KIRREL3: variants seen among roughly 807,000 people sequenced by gnomAD.
The protein encoded by KIRREL3 is kirre like nephrin family adhesion molecule 3, also known as kin of IRRE-like protein 3.
In KIRREL3, 36 loss-of-function variants were observed where a neutral mutation model predicts 89.7. The observed-to-expected ratio is 0.40, with a 90% CI of 0.31 to 0.53. The LOEUF is 0.53. Among genes scored for constraint, KIRREL3 ranks in the 20% least tolerant of loss-of-function variants. The pLI, the probability that KIRREL3 is intolerant of heterozygous loss-of-function variation, is 0.49. For synonymous variants in KIRREL3, 445 were observed against 441.4 expected (o/e 1.01, Z -0.10); for missense variants, 864 against 1,056.6 (o/e 0.82, Z 2.53).
In KIRREL3 at chr11:126,636,857, A is replaced by T. The variant is rs1392910891; in HGVS notation, c.56-73945T>A. ...CTCTATAGCCTTAGGCAAGGCACTT[A>T]ATGCCATTGCATGCCATTGTCACAT... is the stretch of plus-strand genomic sequence containing the variant. On this transcript the variant is annotated intron_variant, in intron 1 of 16. Coordinates refer to ENST00000525144, the MANE Select transcript of KIRREL3 (RefSeq NM_032531.4). The surrounding 1 kb of genome is among the most constrained non-coding windows in gnomAD (Gnocchi z 4.4). Among the ~76,000 whole-genome samples the T allele has an allele frequency of 6.6e-6, 1 of 152,204 alleles. No homozygotes were observed. The highest frequency in any genetic ancestry group is 1.5e-5 in the Non-Finnish European group (1 of 68,044).
rs1419041582 is a variant in KIRREL3 at position 126,487,890 on chromosome 11, G to T, written c.434-14424C>A. ...CCCGCACTCCAGCATGAGTCCTTCT[G>T]TCCTGTCCTGAAAGGGGTAAAGAGA... On this transcript the variant is annotated intron_variant, in intron 4 of 16. Coordinates refer to ENST00000525144, the MANE Select transcript of KIRREL3 (RefSeq NM_032531.4). 9.2e-5 allele frequency among the ~76,000 whole-genome samples: 14 copies of T among 152,322 alleles called. No homozygotes were observed. In the East Asian group the frequency reaches 2.5e-3, roughly 27 times the overall value.
rs1183281824 is a variant in KIRREL3, at chr11:126,978,306, T to C, written c.55+22149A>G. Among the ~76,000 whole-genome samples the C allele has an allele frequency of 6.6e-6, 1 of 152,180 alleles. No homozygotes were observed. Among genetic ancestry groups the C allele is most frequent in the Non-Finnish European group, 1.5e-5 (1 of 68,034 alleles). The stretch of plus-strand genomic sequence containing the variant: ...GTGTCAGATCTGTCCTCCCCTGTGG[T>C]GGGCGTGTTCTTCACCTTCCCTTCA... On this transcript the variant is annotated intron_variant, in intron 1 of 16. Coordinates refer to ENST00000525144, the MANE Select transcript of KIRREL3 (RefSeq NM_032531.4). This position sits in a 1 kb window ranked among gnomAD's most constrained non-coding sequence, Gnocchi z 4.2.
intron 1 of KIRREL3, among the ~76,000 whole-genome samples, chr11:126,951,146 C>T (rs1948763359): frequency 6.6e-6 from 1 of 152,220 alleles, no homozygotes; most frequent in Non-Finnish European, 1.5e-5. Context: ...CATCATCTCT[C>T]TACCTGCCAT....
Position 126,740,641 on chromosome 11 carries a change from G to A in KIRREL3, c.56-177729C>T, listed in dbSNP as rs532671180. Among the ~76,000 whole-genome samples, 1 of 152,244 alleles carries A rather than the reference G, an allele frequency of 6.6e-6. No homozygotes were observed. The highest frequency in any genetic ancestry group is 6.5e-5 in the Admixed American group (1 of 15,290). ...AAGATAATAATCCCTTAGCTTGACT[G>A]TGGCTCCAAGGGGGAGGTGCTAGTA... On this transcript the variant is annotated intron_variant, in intron 1 of 16. Coordinates refer to ENST00000525144, the MANE Select transcript of KIRREL3 (RefSeq NM_032531.4). The surrounding 1 kb of genome is among the most constrained non-coding windows in gnomAD (Gnocchi z 6.0).
At chr11:126,679,408 T>C (rs1946351465) in intron 1 of KIRREL3, among the ~76,000 whole-genome samples, 1 of 152,222 alleles carries the variant, frequency 6.6e-6, no homozygotes, top group South Asian at 2.1e-4. Context: ...TGCGTGTCCT[T>C]TGCTAAGTGC....
At chr11:126,785,818 G>A (rs991038064) in intron 1 of KIRREL3, among the ~76,000 whole-genome samples, 1 of 129,164 alleles carries the variant, frequency 7.7e-6, no homozygotes, top group Non-Finnish European at 1.6e-5. Context: ...AGATTGCAAT[G>A]AGCCGAGATT....
intron 1 of KIRREL3, among the ~76,000 whole-genome samples, chr11:126,868,844 A>C (rs1945009289): frequency 6.6e-6 from 1 of 152,106 alleles, no homozygotes; most frequent in African/African-American, 2.4e-5. Context: ...AGGCACTGGC[A>C]GATTAGGTGT....
At chr11:126,488,921 C>T (rs907395418) in intron 4 of KIRREL3, among the ~76,000 whole-genome samples, 1 of 152,244 alleles carries the variant, frequency 6.6e-6, no homozygotes, top group Non-Finnish European at 1.5e-5. Flanking sequence ...ATCCTTGCCG[C>T]AGGCCACAGC....
chr11:126,743,027 G>A (rs1949030136), intron 1 of KIRREL3, among the ~76,000 whole-genome samples: 1 of 152,222 alleles, frequency 6.6e-6, no homozygotes, highest in African/African-American at 2.4e-5. Context: ...GACCTCCTCA[G>A]AGAGAAGAGA....
chr11:126,913,188 AT>A (rs1399139143), intron 1 of KIRREL3, among the ~76,000 whole-genome samples: 1 of 152,184 alleles, frequency 6.6e-6, no homozygotes, highest in East Asian at 1.9e-4. Flanking sequence ...GTCAATAGTG[AT>A]TGCAGGTGAC....
In KIRREL3 at chr11:126,477,141, G is replaced by C. The variant is rs1216500057; in HGVS notation, c.434-3675C>G. Among the ~76,000 whole-genome samples the C allele has an allele frequency of 6.6e-6, 1 of 152,240 alleles. No individual in the cohort carries two copies. The highest frequency in any genetic ancestry group is 6.5e-5 in the Admixed American group (1 of 15,288). On this transcript the variant is annotated intron_variant, in intron 4 of 16. Coordinates refer to ENST00000525144, the MANE Select transcript of KIRREL3 (RefSeq NM_032531.4). This position sits in a 1 kb window ranked among gnomAD's most constrained non-coding sequence, Gnocchi z 4.8. ...AGAGGCCACAGCGCGGCCTTAGCCG[G>C]GGGTGGCTGAGCGACACTCCTGCAC...
chr11:126,451,566 A>G (rs1956164174), intron 7 of KIRREL3, among the ~76,000 whole-genome samples: 4 of 92,344 alleles, frequency 4.3e-5, no homozygotes, highest in South Asian at 9.3e-4. Flanking sequence ...GTGTGTGATC[A>G]TGTGCATGTG....
chr11:126,526,271 G>A lies in KIRREL3; in HGVS notation c.283+267C>T, dbSNP rs1325367441. Among the ~76,000 whole-genome samples the A allele has an allele frequency of 2.0e-5, 3 of 152,220 alleles. No individual in the cohort carries two copies. Among genetic ancestry groups the A allele is most frequent in the Non-Finnish European group, 4.4e-5 (3 of 68,040 alleles). ...ATGAATCATGTTTGACTTTGGAGTA[G>A]GTGCTTGAGGGCAATGTCGAGTTAG... On this transcript the variant is annotated intron_variant, in intron 3 of 16. Coordinates refer to ENST00000525144, the MANE Select transcript of KIRREL3 (RefSeq NM_032531.4). The surrounding 1 kb of genome is among the most constrained non-coding windows in gnomAD (Gnocchi z 5.7).
chr11:126,905,869 C>A lies in KIRREL3; in HGVS notation c.55+94586G>T, dbSNP rs73569675. 0.072 allele frequency among the ~76,000 whole-genome samples: 10,981 copies of A among 152,182 alleles called. 483 individuals are homozygous for A. Among genetic ancestry groups the A allele is most frequent in the Middle Eastern group, 0.12 (36 of 294 alleles). On this transcript the variant is annotated intron_variant, in intron 1 of 16. Coordinates refer to ENST00000525144, the MANE Select transcript of KIRREL3 (RefSeq NM_032531.4). This position sits in a 1 kb window ranked among gnomAD's most constrained non-coding sequence, Gnocchi z 5.0. ...ACTTCAGGGGTTCCTTTGTCCGCAC[C>A]CAGCCATGCAAAATTCCTGGTGCAG...
At chr11:126,758,937 C>G (rs910156688) in intron 1 of KIRREL3, among the ~76,000 whole-genome samples, 1 of 152,138 alleles carries the variant, frequency 6.6e-6, no homozygotes, top group Non-Finnish European at 1.5e-5. Flanking sequence ...GAAACAGGAG[C>G]TACCCAAGAA....
intron 1 of KIRREL3, among the ~76,000 whole-genome samples, chr11:126,716,909 G>T (rs749710804): frequency 6.6e-6 from 1 of 151,988 alleles, no homozygotes; most frequent in Non-Finnish European, 1.5e-5. Context: ...ATTTGCCCTG[G>T]TTACCTGGGA....
chr11:126,880,553 A>G (rs1028294686), intron 1 of KIRREL3, among the ~76,000 whole-genome samples: 2 of 152,206 alleles, frequency 1.3e-5, no homozygotes, highest in African/African-American at 4.8e-5. Context: ...AAGCATGGAT[A>G]TAAATATAAG....
At chr11:126,494,862 C>G (rs1037022718) in intron 4 of KIRREL3, among the ~76,000 whole-genome samples, 20 of 152,254 alleles carry the variant, frequency 1.3e-4, no homozygotes, top group African/African-American at 4.6e-4. Flanking sequence ...CAGCCACTAC[C>G]GAGCTCATCC....
At chr11:126,425,279 G>A (rs1954897481) in intron 16 of KIRREL3, among the ~76,000 whole-genome samples, 1 of 152,232 alleles carries the variant, frequency 6.6e-6, no homozygotes, top group Non-Finnish European at 1.5e-5. Context: ...TGAGGGCTGA[G>A]GGCCGAAGGA....
Sources: allele counts gnomAD v4.1 joint callset (sites outside exome capture counted in the v4.1 genomes callset), GRCh38; gene constraint gnomAD v4.1.1; non-coding constraint Gnocchi (gnomAD v3.1); transcripts MANE v1.5; gene names NCBI Gene and HGNC (gene_info 2026-07-23, HGNC 2026-07-21).